Variants in FKBP14 observed in about 807,000 individuals in gnomAD.
The protein encoded by FKBP14 is FKBP prolyl isomerase 14, also known as peptidyl-prolyl cis-trans isomerase FKBP14.
A neutral mutation model predicts 21.6 loss-of-function variants in FKBP14; 20 were observed. The observed-to-expected ratio is 0.92, with a 90% CI of 0.65 to 1.34. FKBP14 has a LOEUF of 1.34. FKBP14 is among the 40% of genes most tolerant of loss of function. The probability of loss-of-function intolerance (pLI) is 0.00; values close to 1 mark genes in which losing one functional copy is unlikely to be tolerated. For missense variants in FKBP14, 253 were observed against 249.0 expected (o/e 1.02, Z -0.11); for synonymous variants, 79 against 86.7 (o/e 0.91, Z 0.49).
chr7:30,020,274 CA>C (rs1313452618), intron 2 of FKBP14: 6 of 1,276,228 alleles, frequency 4.7e-6, no homozygotes, highest in Non-Finnish European at 5.1e-6. Context: ...GGTATCTTTC[CA>C]AAAGAGGCAT....
Position 30,026,627 on chromosome 7 carries a change from CCTT to C in FKBP14, c.-122_-120del, listed in dbSNP as rs1790190004. 1 of 844,386 alleles carries C rather than the reference CCTT, an allele frequency of 1.2e-6. No individual in the cohort carries two copies. The allele number at this position is 844,386 out of a possible 1,614,324, so 52.3% of individuals were successfully genotyped here. On this transcript the variant is annotated 5_prime_UTR_variant, in exon 1 of 4. Coordinates refer to ENST00000222803, the MANE Select transcript of FKBP14 (RefSeq NM_017946.4). The stretch of plus-strand genomic sequence containing the variant: ...GGCTTCAGACAAGTTCAGGACTCCC[CCTT>C]CTTAGAAGACGTGGCACATTTACCA...
In FKBP14 at chr7:30,026,337, T is replaced by TAA; in HGVS notation, c.171_172insTT (p.Lys58LeufsTer36). ...GTGGAGTGAAATAAGGAGCCGTCCT[T>TAA]TTCTAAGTAGCCTTCATAGTGGACC... On this transcript the variant is annotated frameshift_variant, in exon 1 of 4. Coordinates refer to ENST00000222803, the MANE Select transcript of FKBP14 (RefSeq NM_017946.4). LOFTEE classifies it high-confidence loss of function. 6.2e-7 allele frequency: 1 copy of TAA among 1,612,408 alleles called. No individual in the cohort carries two copies. The highest frequency in any genetic ancestry group is 8.5e-7 in the Non-Finnish European group (1 of 1,179,226).
Position 30,026,572 on chromosome 7 carries a change from T to A in FKBP14, c.-64A>T. 1 of 1,482,470 alleles carries A rather than the reference T, an allele frequency of 6.7e-7. No individual in the cohort carries two copies. The highest frequency in any genetic ancestry group is 9.1e-7 in the Non-Finnish European group (1 of 1,096,948). 91.8% of individuals were successfully genotyped at this position (1,482,470 alleles called of 1,614,324 possible). The stretch of plus-strand genomic sequence containing the variant: ...GAAAGGTCCCTCGACTTCATAGATT[T>A]AAGAACGTAGTTCAAGGCTTACGGA... On this transcript the variant is annotated 5_prime_UTR_variant, in exon 1 of 4. Transcript: ENST00000222803.
chr7:30,024,683 A>C (rs1229219746), intron 1 of FKBP14, among the ~76,000 whole-genome samples: 1 of 152,258 alleles, frequency 6.6e-6, no homozygotes, highest in African/African-American at 2.4e-5. Flanking sequence ...GGCGTGAGCC[A>C]CCACGCCCAG....
At position 30,014,878 on chromosome 7, in the gene FKBP14, TTAAA is replaced by T; in HGVS notation, c.489_492del (p.Tyr163Ter). 6.3e-7 allele frequency: 1 copy of T among 1,591,006 alleles called. No homozygotes were observed. Among genetic ancestry groups the T allele is most frequent in the Non-Finnish European group, 8.5e-7 (1 of 1,172,462 alleles). ...GCACCATGTTTTTCAAACTCCTTCT[TTAAA>T]TATGCTTTAACCTACAAAATAACAG... On this transcript the variant is annotated frameshift_variant, in exon 4 of 4. Transcript: ENST00000222803. LOFTEE classifies it high-confidence loss of function.
intron 2 of FKBP14, chr7:30,020,213 C>A: frequency 8.3e-7 from 1 of 1,209,352 alleles, no homozygotes; most frequent in Non-Finnish European, 1.1e-6. Context: ...TGAAGCTTAC[C>A]ATTTCAGATC....
At chr7:30,020,226 G>A in intron 2 of FKBP14, 5 of 1,252,640 alleles carry the variant, frequency 4.0e-6, no homozygotes, top group Non-Finnish European at 5.2e-6. Context: ...TTCAGATCTA[G>A]ACAGAGATGT....
intron 3 of FKBP14, among the ~76,000 whole-genome samples, chr7:30,016,506 G>A (rs575972050): frequency 6.6e-6 from 1 of 152,076 alleles, no homozygotes; most frequent in African/African-American, 2.4e-5. Context: ...CGATTCACCT[G>A]CCTCAGACTC....
downstream of FKBP14, among the ~76,000 whole-genome samples, chr7:30,009,787 C>T (rs1401071111): frequency 6.9e-6 from 1 of 145,500 alleles, no homozygotes; most frequent in Admixed American, 7.0e-5. Flanking sequence ...GTCAGGAGTT[C>T]GAGACCAGCC....
At chr7:30,016,690 G>A (rs779826885) in intron 3 of FKBP14, among the ~76,000 whole-genome samples, 2 of 151,954 alleles carry the variant, frequency 1.3e-5, no homozygotes, top group East Asian at 1.9e-4. Context: ...CACCATGCCC[G>A]GACTCCATTT....
intron 1 of FKBP14, 79 bp from the exon 2 acceptor site, chr7:30,022,895 T>C: frequency 7.5e-7 from 1 of 1,327,978 alleles, no homozygotes; most frequent in East Asian, 2.5e-5. Context: ...CACCAGTAAG[T>C]GGTTAAGTTT....
At chr7:30,016,185 G>A (rs1412454064) in intron 3 of FKBP14, among the ~76,000 whole-genome samples, 1 of 152,138 alleles carries the variant, frequency 6.6e-6, no homozygotes, top group African/African-American at 2.4e-5. Flanking sequence ...GGGATTAGAA[G>A]CATGAGCCAC....
At chr7:30,006,420 G>C (rs1015578392), downstream of FKBP14, among the ~76,000 whole-genome samples, 1 of 151,888 alleles carries the variant, frequency 6.6e-6, no homozygotes, top group East Asian at 1.9e-4. Flanking sequence ...AGCCACCATG[G>C]CTGGCTAGAA....
chr7:30,026,373 C>A lies in FKBP14; in HGVS notation c.136G>T (p.Asp46Tyr), dbSNP rs750062960. Residue 46 changes from aspartate (D) to tyrosine (Y), a missense_variant, in exon 1 of 4, where the codon GAT (aspartate) becomes TAT (tyrosine). Transcript: ENST00000222803. ...CCTTCATAGTGGACCAACATCAAAT[C>A]CCCTCCTTTGGTCTTGCGATGGCAG... Reference protein sequence around the residue: ...FICHRKTKGGDLMLVHYEGYL... With the variant: ...FICHRKTKGGYLMLVHYEGYL... The A allele has an allele frequency of 6.2e-6, 10 of 1,613,992 alleles. No individual in the cohort carries two copies. Among genetic ancestry groups the A allele is most frequent in the African/African-American group, 2.7e-5 (2 of 74,922 alleles).
chr7:30,019,736 A>G (rs1190927147), intron 2 of FKBP14, among the ~76,000 whole-genome samples: 1 of 152,146 alleles, frequency 6.6e-6, no homozygotes, highest in Non-Finnish European at 1.5e-5. Flanking sequence ...AAAGGGAGAA[A>G]AATCCATGCA....
chr7:30,022,725 C>T lies in FKBP14; in HGVS notation c.289G>A (p.Val97Ile), dbSNP rs1408618401. 1 of 1,614,120 alleles carries T rather than the reference C, an allele frequency of 6.2e-7. No homozygotes were observed. The highest frequency in any genetic ancestry group is 8.5e-7 in the Non-Finnish European group (1 of 1,179,998). ...GWDQGLKGMC[V>I]GEKRKLIIPP... ...ATGATGAGCTTTCTCTTCTCTCCTA[C>T]ACACATTCCTTTCAAGCCCTGGTCC... The change falls in exon 2 of 4, where the codon GTA becomes ATA. Residue 97 changes from valine to isoleucine, a missense_variant. Coordinates refer to ENST00000222803, the MANE Select transcript of FKBP14 (RefSeq NM_017946.4).
At chr7:30,017,524 G>A (rs1383500139) in intron 3 of FKBP14, among the ~76,000 whole-genome samples, 1 of 151,286 alleles carries the variant, frequency 6.6e-6, no homozygotes, top group African/African-American at 2.4e-5. Flanking sequence ...AGCTGAGATC[G>A]CACCACTGCA....
intron 2 of FKBP14, among the ~76,000 whole-genome samples, chr7:30,019,462 A>C (rs1225382689): frequency 6.6e-6 from 1 of 152,118 alleles, no homozygotes; most frequent in Non-Finnish European, 1.5e-5. Context: ...ATATGTCAAG[A>C]AGGACTTGAA....
At chr7:30,019,900 TGAA>T (rs748546033) in intron 2 of FKBP14, among the ~76,000 whole-genome samples, 5 of 152,218 alleles carry the variant, frequency 3.3e-5, no homozygotes, top group South Asian at 4.1e-4. Flanking sequence ...ATATATATGT[TGAA>T]GACATTTCAT....
Sources: gnomAD v4.1 joint callset for allele counts (sites outside exome capture counted in the v4.1 genomes callset) on GRCh38, gnomAD v4.1.1 for gene constraint, MANE v1.5 for transcripts, NCBI Gene and HGNC (gene_info 2026-07-23, HGNC 2026-07-21) for gene names.